The following C17orf99 variants were observed in gnomAD, a reference collection of about 807,000 sequenced individuals.
C17orf99 encodes the protein chromosome 17 open reading frame 99.
In C17orf99, 18 loss-of-function variants were observed where a neutral mutation model predicts 22.6. The ratio of observed to expected loss-of-function variants is 0.80; its 90% CI spans 0.55 to 1.18. C17orf99 has a LOEUF of 1.18. C17orf99 is among the 50% of genes most tolerant of loss of function. The pLI is 0.00. For synonymous variants in C17orf99, 147 were observed against 136.6 expected, an observed-to-expected ratio of 1.08 and a Z score of -0.53; for missense variants, 328 against 342.7, an observed-to-expected ratio of 0.96 and a Z score of 0.34.
rs2075573777 is a variant in C17orf99, at chr17:78,161,213, T to C, written c.329T>C (p.Val110Ala). The C allele has an allele frequency of 6.4e-7, 1 of 1,551,792 alleles. No individual in the cohort carries two copies. The highest frequency in any genetic ancestry group is 8.7e-7 in the Non-Finnish European group (1 of 1,146,984). ...GCGTCCTCCACCTCAGGTGCCCATG[T>C]GGACAGTGCCAGGCTACAGATGCAC... ...CWASSTSGAHVDSARLQMHWE... is the reference protein window; with the variant it reads ...CWASSTSGAHADSARLQMHWE... Residue 110 changes from valine (V) to alanine (A), a missense_variant, in exon 3 of 5, where the codon GTG becomes GCG. Transcript: ENST00000340363.
intron 3 of C17orf99, among the ~76,000 whole-genome samples, chr17:78,162,244 C>G (rs2075583532): frequency 6.7e-6 from 1 of 148,462 alleles, no homozygotes; most frequent in Admixed American, 6.9e-5. Flanking sequence ...CTGCTGCATG[C>G]CAGCCTGGGT....
intron 2 of C17orf99, among the ~76,000 whole-genome samples, chr17:78,148,708 G>A (rs2075454696): frequency 6.6e-6 from 1 of 152,178 alleles, no homozygotes; most frequent in African/African-American, 2.4e-5. Flanking sequence ...GGGACCCTGT[G>A]TGGCCAGAAC....
chr17:78,146,083 C>T (rs1277095493), upstream of C17orf99, among the ~76,000 whole-genome samples: 2 of 152,172 alleles, frequency 1.3e-5, no homozygotes, highest in African/African-American at 2.4e-5. The surrounding 1 kb of genome is among the most constrained non-coding windows in gnomAD (Gnocchi z 5.2). Flanking sequence ...CCACTGTGCC[C>T]CGCGGAGCAT....
In C17orf99 at chr17:78,161,071, T is replaced by C. The variant is rs1288594993; in HGVS notation, c.187T>C (p.Cys63Arg). The C allele has an allele frequency of 6.4e-7, 1 of 1,551,672 alleles. No homozygotes were observed. Among genetic ancestry groups the C allele is most frequent in the African/African-American group, 1.4e-5 (1 of 73,058 alleles). The change falls in exon 3 of 5, where the codon TGT becomes CGT. Residue 63 changes from cysteine to arginine, a missense_variant. Transcript: ENST00000340363. ...QPPPPITYSL[C>R]GTKNIKVAKK... is the part of the protein sequence containing the mutation. ...ACCACCGCCCATCACCTATTCCCTC[T>C]GTGGAACCAAGAACATCAAGGTGGC...
intron 2 of C17orf99, among the ~76,000 whole-genome samples, chr17:78,153,677 G>A (rs111337297): frequency 2.6e-5 from 4 of 152,200 alleles, no homozygotes; most frequent in African/African-American, 7.2e-5. Context: ...AAGGGTGATC[G>A]CGTGTCAGCC....
intron 4 of C17orf99, 142 bp downstream of exon 4, chr17:78,164,506 A>C: frequency 6.5e-7 from 1 of 1,538,808 alleles, no homozygotes; most frequent in Non-Finnish European, 8.7e-7. Context: ...GGAGGCAACC[A>C]TGCCCACCCT....
At chr17:78,161,759 G>A (rs576152606) in intron 3 of C17orf99, among the ~76,000 whole-genome samples, 2 of 150,926 alleles carry the variant, frequency 1.3e-5, no homozygotes, top group South Asian at 2.1e-4. Flanking sequence ...CAGGAGAATC[G>A]CTTGAACCCG....
chr17:78,164,008 G>T (rs879301518), intron 3 of C17orf99, 87 bp from the exon 4 acceptor site: 35 of 1,171,348 alleles, frequency 3.0e-5, no homozygotes, highest in Non-Finnish European at 3.7e-5. Context: ...AAGCTCATTA[G>T]GCATTTTGTA....
chr17:78,161,486 G>T (rs1482546881), intron 3 of C17orf99, among the ~76,000 whole-genome samples: 2 of 152,198 alleles, frequency 1.3e-5, no homozygotes, highest in African/African-American at 4.8e-5. Context: ...GCAGGGGCCT[G>T]AGGGCACAGA....
chr17:78,164,436 A>G (rs991112344), intron 4 of C17orf99, 72 bp downstream of exon 4: 32 of 1,550,142 alleles, frequency 2.1e-5, no homozygotes, highest in Non-Finnish European at 2.7e-5. Context: ...TGTCCAAGAC[A>G]CAGGTCGATG....
At chr17:78,158,033 G>T (rs61745484) in intron 2 of C17orf99, 13,867 of 1,365,638 alleles carry the variant, frequency 0.01, 143 homozygotes, top group South Asian at 0.023. Flanking sequence ...CATCCAGGAT[G>T]GGCACCTATC....
At chr17:78,165,033 G>C (rs1304900833) in intron 4 of C17orf99, 1 of 1,082,422 alleles carries the variant, frequency 9.2e-7, no homozygotes, top group Non-Finnish European at 1.1e-6. Flanking sequence ...TGCCTTCTGT[G>C]AGAACCACCT....
upstream of C17orf99, among the ~76,000 whole-genome samples, chr17:78,146,196 C>A (rs71385935): frequency 0.025 from 3,849 of 152,276 alleles, 71 homozygotes; most frequent in South Asian, 0.046. This position sits in a 1 kb window ranked among gnomAD's most constrained non-coding sequence, Gnocchi z 5.2. Flanking sequence ...CCTTCCACTT[C>A]TCTGGGGATT....
intron 2 of C17orf99, among the ~76,000 whole-genome samples, chr17:78,147,690 C>T (rs992583699): frequency 6.6e-6 from 1 of 152,190 alleles, no homozygotes; most frequent in African/African-American, 2.4e-5. Context: ...GCAGGGCCTT[C>T]CCCCTCTATT....
intron 3 of C17orf99, among the ~76,000 whole-genome samples, chr17:78,163,295 C>T (rs2075592081): frequency 6.6e-6 from 1 of 152,008 alleles, no homozygotes; most frequent in East Asian, 1.9e-4. Context: ...TAAATGAAAG[C>T]CTTTTAGTAG....
intron 2 of C17orf99, among the ~76,000 whole-genome samples, chr17:78,148,786 C>G (rs962147048): frequency 1.3e-5 from 2 of 152,130 alleles, no homozygotes; most frequent in African/African-American, 2.4e-5. Flanking sequence ...CCGGGGAGGG[C>G]CCTGTGGGGC....
At chr17:78,152,634 CA>C (rs1423701858) in intron 2 of C17orf99, among the ~76,000 whole-genome samples, 5 of 121,544 alleles carry the variant, frequency 4.1e-5, no homozygotes, top group African/African-American at 2.0e-4. Flanking sequence ...TGCACCCAGC[CA>C]ATTTTTTTTT....
rs557821667 is a variant in C17orf99, at chr17:78,151,707, T to A, written c.70+4796T>A. On this transcript the variant is annotated intron_variant, in intron 2 of 4. Transcript: ENST00000340363. ...CCAGCATGAATTACTGGAGTTAATA[T>A]TTAACATGAGAGAGGGGGAGCCATC... Among the ~76,000 whole-genome samples the A allele has an allele frequency of 2.0e-5, 3 of 152,286 alleles. No individual in the cohort carries two copies. The East Asian group carries it at 5.8e-4, about 29-fold the overall frequency.
chr17:78,149,629 G>T (rs577373733), intron 2 of C17orf99, among the ~76,000 whole-genome samples: 1 of 152,248 alleles, frequency 6.6e-6, no homozygotes, highest in Admixed American at 6.5e-5. Flanking sequence ...AACCGCCAGG[G>T]CTTAATCAAT....
Sources: gnomAD v4.1 joint callset for allele counts (sites outside exome capture counted in the v4.1 genomes callset) on GRCh38, gnomAD v4.1.1 for gene constraint, Gnocchi (gnomAD v3.1) non-coding constraint, MANE v1.5 for transcripts, NCBI Gene and HGNC (gene_info 2026-07-23, HGNC 2026-07-21) for gene names.